The following TRMT11 variants were observed in gnomAD, a reference collection of about 807,000 sequenced individuals.
TRMT11 encodes the protein tRNA (guanine(10)-N(2))-methyltransferase TRMT11.
TRMT11 carries 53 observed loss-of-function variants against 62.8 expected under a neutral mutation model. That is an observed-to-expected ratio of 0.84 (90% CI 0.68 to 1.06). TRMT11 has a LOEUF of 1.06. Among genes scored for constraint, TRMT11 ranks in the 50% least tolerant of loss-of-function variants. TRMT11 has a pLI of 0.00. For synonymous variants in TRMT11, 188 were observed against 190.3 expected (o/e 0.99, Z 0.10); for missense variants, 556 against 553.4 (o/e 1.00, Z -0.05).
intron 16 of TRMT11, among the ~76,000 whole-genome samples, chr6:126,047,673 A>G (rs1042870997): frequency 6.6e-6 from 1 of 152,192 alleles, no homozygotes; most frequent in Non-Finnish European, 1.5e-5. Context: ...CTAAAAGACC[A>G]TTAATCGTAA....
intron 17 of TRMT11, among the ~76,000 whole-genome samples, chr6:126,070,744 T>C (rs1376622027): frequency 1.3e-5 from 2 of 152,250 alleles, no homozygotes; most frequent in African/African-American, 4.8e-5. Context: ...TGAAACAATG[T>C]GCCAAGCAAC....
the TRMT11 span, among the ~76,000 whole-genome samples, chr6:126,228,529 C>T: frequency 6.6e-6 from 1 of 152,172 alleles, no homozygotes; most frequent in Non-Finnish European, 1.5e-5. Flanking sequence ...AAACAGCTGT[C>T]ACTTGTGATC....
intron 12 of TRMT11, among the ~76,000 whole-genome samples, chr6:126,021,531 T>C (rs983803340): frequency 6.6e-6 from 1 of 152,224 alleles, no homozygotes; most frequent in Non-Finnish European, 1.5e-5. Context: ...CAGGCTTTAT[T>C]TGATATCCTT....
At chr6:126,241,904 A>G in the TRMT11 span, among the ~76,000 whole-genome samples, 3 of 152,140 alleles carry the variant, frequency 2.0e-5, no homozygotes, top group Non-Finnish European at 4.4e-5. Flanking sequence ...CACCACTCCT[A>G]TTCAATATAG....
chr6:125,987,524 C>T (rs981086172), intron 1 of TRMT11, among the ~76,000 whole-genome samples: 1 of 152,056 alleles, frequency 6.6e-6, no homozygotes, highest in Non-Finnish European at 1.5e-5. Flanking sequence ...AAAAAAGTGA[C>T]CACAAAATTA....
At chr6:126,267,998 A>T in the TRMT11 span, among the ~76,000 whole-genome samples, 1 of 152,260 alleles carries the variant, frequency 6.6e-6, no homozygotes, top group East Asian at 1.9e-4. Flanking sequence ...GTGCTCCAAC[A>T]CCACATGAAA....
chr6:126,071,223 G>T (rs1041994451), intron 17 of TRMT11, among the ~76,000 whole-genome samples: 1 of 152,016 alleles, frequency 6.6e-6, no homozygotes, highest in African/African-American at 2.4e-5. Flanking sequence ...GTTTCCTTGG[G>T]GGGGTGGGGG....
At chr6:126,223,120 C>G in the TRMT11 span, among the ~76,000 whole-genome samples, 1 of 152,128 alleles carries the variant, frequency 6.6e-6, no homozygotes, top group Non-Finnish European at 1.5e-5. Context: ...GTTGGAATTT[C>G]TTTTCTTTAA....
At chr6:126,083,270 T>G (rs1265078103) in intron 17 of TRMT11, among the ~76,000 whole-genome samples, 1 of 152,108 alleles carries the variant, frequency 6.6e-6, no homozygotes, top group Non-Finnish European at 1.5e-5. Flanking sequence ...CCAACAGTAG[T>G]CTCTAACCCT....
chr6:126,227,127 A>C, the TRMT11 span, among the ~76,000 whole-genome samples: 1 of 152,228 alleles, frequency 6.6e-6, no homozygotes, highest in Non-Finnish European at 1.5e-5. Context: ...ATGAAAATGG[A>C]CTAATACAAT....
chr6:126,124,441 A>G (rs974631614), intron 21 of TRMT11, among the ~76,000 whole-genome samples: 3 of 152,098 alleles, frequency 2.0e-5, no homozygotes, highest in Admixed American at 6.6e-5. Context: ...CCAATTCTGC[A>G]TGCGTCCTTG....
chr6:126,008,404 T>C lies in TRMT11; in HGVS notation c.692T>C (p.Ile231Thr), dbSNP rs1230083192. 3.1e-6 allele frequency: 5 copies of C among 1,613,108 alleles called. No individual in the cohort carries two copies. Among genetic ancestry groups the C allele is most frequent in the Non-Finnish European group, 4.2e-6 (5 of 1,179,206 alleles). The change falls in exon 8 of 13, where the codon ATA becomes ACA. Residue 231 changes from isoleucine to threonine, a missense_variant. Physicochemically the swap from Ile to Thr is moderately conservative, Grantham distance 89 (BLOSUM62 -1). Coordinates refer to ENST00000334379, the MANE Select transcript of TRMT11 (RefSeq NM_001031712.3). ...TGTGATTTTTCAGGTGGCCTGCTGA[T>C]AGCATGTGCTCATTTTGGTGCATAT... is the stretch of plus-strand genomic sequence containing the variant. ...DPFVGTGGLL[I>T]ACAHFGAYVY...
intron 21 of TRMT11, among the ~76,000 whole-genome samples, chr6:126,116,221 G>A (rs187660569): frequency 4.6e-5 from 7 of 151,990 alleles, no homozygotes; most frequent in African/African-American, 1.4e-4. Flanking sequence ...TCCATTTTGG[G>A]GCAATGGGAG....
chr6:126,119,168 C>G (rs1777621123), intron 21 of TRMT11, among the ~76,000 whole-genome samples: 1 of 149,432 alleles, frequency 6.7e-6, no homozygotes, highest in Non-Finnish European at 1.5e-5. Flanking sequence ...CGATTAATCA[C>G]TAGATAAACA....
the TRMT11 span, among the ~76,000 whole-genome samples, chr6:126,266,655 C>G: frequency 1.3e-4 from 19 of 151,432 alleles, no homozygotes; most frequent in African/African-American, 3.7e-4. Flanking sequence ...GGTGCAAAAC[C>G]TCCTCCTCTC....
At chr6:126,131,307 T>G (rs1048823835) in intron 21 of TRMT11, among the ~76,000 whole-genome samples, 81 of 152,118 alleles carry the variant, frequency 5.3e-4, no homozygotes, top group African/African-American at 1.8e-3. Flanking sequence ...TGCACCCCCA[T>G]AGACCTCAGT....
In TRMT11 at chr6:126,027,144, C is replaced by T. The variant is rs1336764802; in HGVS notation, c.1260+5864C>T. The stretch of plus-strand genomic sequence containing the variant: ...GATCTTGCTGTCCCACTTAACACAA[C>T]GTGTAGTTGATGCTGCTATATGTGG... On this transcript the variant is annotated intron_variant, in intron 12 of 12. Transcript: ENST00000334379. 6.6e-5 allele frequency among the ~76,000 whole-genome samples: 10 copies of T among 152,050 alleles called. No individual in the cohort carries two copies. The East Asian group carries it at 1.5e-3, about 23-fold the overall frequency.
At chr6:126,065,851 A>T (rs1776673786) in intron 17 of TRMT11, among the ~76,000 whole-genome samples, 1 of 152,198 alleles carries the variant, frequency 6.6e-6, no homozygotes. Context: ...TGTAGACTGA[A>T]GTTGTCCTTC....
chr6:126,048,508 CG>C (rs1562305632), intron 16 of TRMT11, among the ~76,000 whole-genome samples: 1 of 152,162 alleles, frequency 6.6e-6, no homozygotes, highest in African/African-American at 2.4e-5. Context: ...ATAGAACTGT[CG>C]GGGTCACTCA....
Sources: allele counts gnomAD v4.1 joint callset (sites outside exome capture counted in the v4.1 genomes callset), GRCh38; gene constraint gnomAD v4.1.1; transcripts MANE v1.5; gene names NCBI Gene and HGNC (gene_info 2026-07-23, HGNC 2026-07-21).